The following FZD7 variants were observed in gnomAD, a reference collection of about 807,000 sequenced individuals.
FZD7 encodes the protein frizzled-7.
In FZD7, 21 loss-of-function variants were observed where a neutral mutation model predicts 39.0. The observed-to-expected ratio is 0.54, with a 90% CI of 0.38 to 0.78. The LOEUF (loss-of-function observed/expected upper bound fraction) is 0.78. FZD7 is among the 30% of genes least tolerant of loss of function. The probability of loss-of-function intolerance (pLI) is 0.00; values close to 1 mark genes in which losing one functional copy is unlikely to be tolerated. For synonymous variants in FZD7, 428 were observed against 364.9 expected (o/e 1.17, Z -1.97); for missense variants, 695 against 805.0 (o/e 0.86, Z 1.65).
rs371345546 is a variant in FZD7 at position 202,036,382 on chromosome 2, C to G, written c.*10C>G. On this transcript the variant is annotated 3_prime_UTR_variant, in exon 1 of 1. Coordinates refer to ENST00000286201, the MANE Select transcript of FZD7 (RefSeq NM_003507.2). ...GGAGACTGCGGTATGAGCCCCGGCC[C>G]CTCCCCACCTTTCCCACCCCAGCCC... is the stretch of plus-strand genomic sequence containing the variant. 3.1e-6 allele frequency: 5 copies of G among 1,591,322 alleles called. No individual in the cohort carries two copies. Among genetic ancestry groups the G allele is most frequent in the Non-Finnish European group, 3.4e-6 (4 of 1,165,138 alleles).
chr2:202,033,914 C>G lies in FZD7; in HGVS notation c.-734C>G, dbSNP rs968463470. Among the ~76,000 whole-genome samples, 5 of 148,796 alleles carry G rather than the reference C, an allele frequency of 3.4e-5. No individual in the cohort carries two copies. The highest frequency in any genetic ancestry group is 6.7e-5 in the Admixed American group (1 of 14,988). On this transcript the variant is annotated 5_prime_UTR_variant, in exon 1 of 1. Coordinates refer to ENST00000286201, the MANE Select transcript of FZD7 (RefSeq NM_003507.2). ...GCGGCGGCGGCGGCGGGCGCCAGGA[C>G]TCGCTGCTGGGGCTGCGAGGGGCTG... is the stretch of plus-strand genomic sequence containing the variant.
chr2:202,034,610 T>C lies in FZD7; in HGVS notation c.-38T>C, dbSNP rs1688705656. 1 of 1,492,570 alleles carries C rather than the reference T, an allele frequency of 6.7e-7. No individual in the cohort carries two copies. The highest frequency in any genetic ancestry group is 1.3e-5 in the South Asian group (1 of 74,088). The allele number at this position is 1,492,570 out of a possible 1,614,324, so 92.5% of individuals were successfully genotyped here. ...GCCTCTCCCAACCGCCTCGTCGCACTCCTCAGGCTGAGAGCACCGCTGCAC... is the reference window on the plus strand; with the variant it reads ...GCCTCTCCCAACCGCCTCGTCGCACCCCTCAGGCTGAGAGCACCGCTGCAC... On this transcript the variant is annotated 5_prime_UTR_variant, in exon 1 of 1. Coordinates refer to ENST00000286201, the MANE Select transcript of FZD7 (RefSeq NM_003507.2).
chr2:202,035,036 G>C lies in FZD7; in HGVS notation c.389G>C (p.Gly130Ala). The C allele has an allele frequency of 6.2e-7, 1 of 1,612,906 alleles. No individual in the cohort carries two copies. Among genetic ancestry groups the C allele is most frequent in the Non-Finnish European group, 8.5e-7 (1 of 1,179,822 alleles). Residue 130 changes from glycine (G) to alanine (A), a missense_variant, in exon 1 of 1, where the codon GGC (glycine) becomes GCC (alanine). Physicochemically the swap from Gly to Ala is moderately conservative, Grantham distance 60. Coordinates refer to ENST00000286201, the MANE Select transcript of FZD7 (RefSeq NM_003507.2). Reference sequence around the variant, plus strand: ...TCTCTGTGCGAGCGCGCCCGCCAGGGCTGCGAGGCGCTCATGAACAAGTTC... The same window carrying C: ...TCTCTGTGCGAGCGCGCCCGCCAGGCCTGCGAGGCGCTCATGAACAAGTTC... ...CRSLCERARQGCEALMNKFGF... is the reference protein window; with the variant it reads ...CRSLCERARQACEALMNKFGF...
rs781110747 is a variant in FZD7 at position 202,035,514 on chromosome 2, C to T, written c.867C>T (p.Ile289=). 9.9e-6 allele frequency: 16 copies of T among 1,614,080 alleles called. No individual in the cohort carries two copies. The highest frequency in any genetic ancestry group is 2.2e-5 in the East Asian group (1 of 44,902). The change falls in exon 1 of 1, where the codon ATC becomes ATT. Residue 289 remains isoleucine (I), a synonymous_variant. Transcript: ENST00000286201. ...MRRFSYPERP[I]IFLSGCYFMV... Reference sequence around the variant, plus strand: ...GCTTCAGCTACCCAGAGCGGCCCATCATCTTCCTGTCGGGCTGCTACTTCA... The same window carrying T: ...GCTTCAGCTACCCAGAGCGGCCCATTATCTTCCTGTCGGGCTGCTACTTCA...
Position 202,036,532 on chromosome 2 carries a change from G to T in FZD7, c.*160G>T. ...AAGTTCTTTGCAGATTTGGGGCGAG[G>T]GGTGATTTGGAAAAGAAGACCTGGG... is the stretch of plus-strand genomic sequence containing the variant. On this transcript the variant is annotated 3_prime_UTR_variant, in exon 1 of 1. Coordinates refer to ENST00000286201, the MANE Select transcript of FZD7 (RefSeq NM_003507.2). 2 of 626,014 alleles carry T rather than the reference G, an allele frequency of 3.2e-6. No homozygotes were observed. The highest frequency in any genetic ancestry group is 5.6e-6 in the Non-Finnish European group (2 of 355,444). The allele number at this position is 626,014 out of a possible 1,614,324, so 38.8% of individuals were successfully genotyped here. A position where few individuals can be genotyped will look rare whatever the true frequency, so the allele number is the denominator to read the frequency against.
Position 202,035,434 on chromosome 2 carries a change from C to A in FZD7, c.787C>A (p.Leu263Met). ...CCTCTGGGTGGGCGTGTGGTCCGTG[C>A]TGTGCTGCGCCTCGACGCTCTTTAC... Reference protein sequence around the residue: ...ARLWVGVWSVLCCASTLFTVL... With the variant: ...ARLWVGVWSVMCCASTLFTVL... Residue 263 changes from leucine (L) to methionine (M), a missense_variant, in exon 1 of 1, where the codon CTG becomes ATG. Leu to Met is a conservative substitution (Grantham distance 15). Coordinates refer to ENST00000286201, the MANE Select transcript of FZD7 (RefSeq NM_003507.2). 1.9e-6 allele frequency: 3 copies of A among 1,613,988 alleles called. No homozygotes were observed. Among genetic ancestry groups the A allele is most frequent in the Non-Finnish European group, 2.5e-6 (3 of 1,179,964 alleles).
Position 202,036,587 on chromosome 2 carries a change from G to A in FZD7, c.*215G>A, listed in dbSNP as rs1396213943. 3.5e-6 allele frequency: 2 copies of A among 575,112 alleles called. No individual in the cohort carries two copies. The highest frequency in any genetic ancestry group is 6.3e-6 in the Non-Finnish European group (2 of 316,574). The allele number at this position is 575,112 out of a possible 1,614,324, so 35.6% of individuals were successfully genotyped here. ...AAGCGGTTTGGATGAAAAGATTTCAGGCAAAGACTTGCAGGAAGATGATGA... is the reference window on the plus strand; with the variant it reads ...AAGCGGTTTGGATGAAAAGATTTCAAGCAAAGACTTGCAGGAAGATGATGA... On this transcript the variant is annotated 3_prime_UTR_variant, in exon 1 of 1. Coordinates refer to ENST00000286201, the MANE Select transcript of FZD7 (RefSeq NM_003507.2).
In FZD7 at chr2:202,035,257, C is replaced by G. The variant is rs765396513; in HGVS notation, c.610C>G (p.Pro204Ala). 1.9e-5 allele frequency: 31 copies of G among 1,602,430 alleles called. No homozygotes were observed. The highest frequency in any genetic ancestry group is 1.8e-4 in the South Asian group (16 of 90,838). The change falls in exon 1 of 1, where the codon CCC becomes GCC. Residue 204 changes from proline (P) to alanine (A), a missense_variant. Transcript: ENST00000286201. ...GGGGGCCTCAGATGGCAGGGGGCGT[C>G]CCGCCTTCCCCTTCTCATGCCCCCG... ...PPGASDGRGRPAFPFSCPRQL... is the reference protein window; with the variant it reads ...PPGASDGRGRAAFPFSCPRQL...
rs201452450 is a variant in FZD7 at position 202,036,118 on chromosome 2, T to C, written c.1471T>C (p.Tyr491His). 1 of 1,613,908 alleles carries C rather than the reference T, an allele frequency of 6.2e-7. No homozygotes were observed. The highest frequency in any genetic ancestry group is 8.5e-7 in the Non-Finnish European group (1 of 1,180,036). Residue 491 changes from tyrosine (Y) to histidine (H), a missense_variant, in exon 1 of 1, where the codon TAC (tyrosine) becomes CAC (histidine). Physicochemically the swap from Tyr to His is moderately conservative, Grantham distance 83. Transcript: ENST00000286201. ...PATIVLACYFYEQAFREHWER... is the reference protein window; with the variant it reads ...PATIVLACYFHEQAFREHWER... ...CACCATCGTCCTGGCCTGCTACTTC[T>C]ACGAGCAGGCCTTCCGCGAGCACTG...
In FZD7 at chr2:202,035,697, C is replaced by T. The variant is rs759897511; in HGVS notation, c.1050C>T (p.Ser350=). 2 of 1,614,038 alleles carry T rather than the reference C, an allele frequency of 1.2e-6. No homozygotes were observed. Among genetic ancestry groups the T allele is most frequent in the East Asian group, 4.5e-5 (2 of 44,880 alleles). ...TGCTCTACTTCTTCGGCATGGCCAG[C>T]TCCATCTGGTGGGTCATTCTGTCTC... The part of the protein sequence containing the change: ...FMVLYFFGMA[S]SIWWVILSLT... The change falls in exon 1 of 1, where the codon AGC becomes AGT. Residue 350 remains serine (S), a synonymous_variant. Coordinates refer to ENST00000286201, the MANE Select transcript of FZD7 (RefSeq NM_003507.2).
At position 202,035,253 on chromosome 2, in the gene FZD7, G is replaced by T. The variant is rs766548106; in HGVS notation, c.606G>T (p.Gly202=). 5.6e-6 allele frequency: 9 copies of T among 1,601,938 alleles called. No homozygotes were observed. Among genetic ancestry groups the T allele is most frequent in the Non-Finnish European group, 7.6e-6 (9 of 1,179,116 alleles). The part of the protein sequence containing the change: ...ALPPGASDGR[G]RPAFPFSCPR... The stretch of plus-strand genomic sequence containing the variant: ...CCCCGGGGGCCTCAGATGGCAGGGG[G>T]CGTCCCGCCTTCCCCTTCTCATGCC... Residue 202 remains glycine (G), a synonymous_variant, in exon 1 of 1, where the codon GGG becomes GGT. Transcript: ENST00000286201.
At position 202,034,382 on chromosome 2, in the gene FZD7, CG is replaced by C. The variant is rs1559183900; in HGVS notation, c.-264del. On this transcript the variant is annotated 5_prime_UTR_variant, in exon 1 of 1. Coordinates refer to ENST00000286201, the MANE Select transcript of FZD7 (RefSeq NM_003507.2). ...TTACGTCCCCGCGGGGAGAGCGAGG[CG>C]GCCCTCCTCGGCGCCCCCAACCCAG... 2.6e-5 allele frequency among the ~76,000 whole-genome samples: 4 copies of C among 151,716 alleles called. No homozygotes were observed. The highest frequency in any genetic ancestry group is 9.7e-5 in the African/African-American group (4 of 41,382).
Position 202,038,033 on chromosome 2 carries a change from G to A in FZD7, c.*1661G>A. The A allele has an allele frequency of 6.0e-6, 1 of 167,154 alleles. No individual in the cohort carries two copies. The allele number at this position is 167,154 out of a possible 1,614,324, so 10.4% of individuals were successfully genotyped here. On this transcript the variant is annotated 3_prime_UTR_variant, in exon 1 of 1. Coordinates refer to ENST00000286201, the MANE Select transcript of FZD7 (RefSeq NM_003507.2). The stretch of plus-strand genomic sequence containing the variant: ...ACCTTTGACACTACCCTCCAATCTT[G>A]CAACACTATCCTGTTTCTCAGAACA...
chr2:202,035,769 C>T lies in FZD7; in HGVS notation c.1122C>T (p.Ile374=). Reference sequence around the variant, plus strand: ...GCATGAAGTGGGGCCACGAGGCCATCGAGGCCAACTCGCAGTACTTCCACC... The same window carrying T: ...GCATGAAGTGGGGCCACGAGGCCATTGAGGCCAACTCGCAGTACTTCCACC... ...AAGMKWGHEA[I]EANSQYFHLA... is the part of the protein sequence containing the mutation. The change falls in exon 1 of 1, where the codon ATC becomes ATT. Residue 374 remains isoleucine, a synonymous_variant. Transcript: ENST00000286201. 1.2e-6 allele frequency: 2 copies of T among 1,614,094 alleles called. No individual in the cohort carries two copies. The highest frequency in any genetic ancestry group is 1.3e-5 in the African/African-American group (1 of 75,068).
In FZD7 at chr2:202,035,901, G is replaced by A; in HGVS notation, c.1254G>A (p.Val418=). 1 of 1,614,082 alleles carries A rather than the reference G, an allele frequency of 6.2e-7. No homozygotes were observed. The highest frequency in any genetic ancestry group is 8.5e-7 in the Non-Finnish European group (1 of 1,179,958). ...SGVCYVGLSS[V]DALRGFVLAP... is the part of the protein sequence containing the mutation. The stretch of plus-strand genomic sequence containing the variant: ...TGTGCTACGTTGGCCTCTCCAGTGT[G>A]GACGCGCTGCGGGGCTTCGTGCTGG... The change falls in exon 1 of 1, where the codon GTG becomes GTA. Residue 418 remains valine, a synonymous_variant. Transcript: ENST00000286201.
At position 202,035,958 on chromosome 2, in the gene FZD7, G is replaced by C; in HGVS notation, c.1311G>C (p.Thr437=). The change falls in exon 1 of 1, where the codon ACG becomes ACC. Residue 437 remains threonine (T), a synonymous_variant. Coordinates refer to ENST00000286201, the MANE Select transcript of FZD7 (RefSeq NM_003507.2). ...APLFVYLFIG[T]SFLLAGFVSL... ...TGTTCGTCTACCTCTTCATAGGCAC[G>C]TCCTTCTTGCTGGCCGGCTTCGTGT... is the stretch of plus-strand genomic sequence containing the variant. The C allele has an allele frequency of 1.9e-6, 3 of 1,614,076 alleles. No homozygotes were observed. The highest frequency in any genetic ancestry group is 2.5e-6 in the Non-Finnish European group (3 of 1,180,016).
chr2:202,036,528 C>T lies in FZD7; in HGVS notation c.*156C>T, dbSNP rs934142517. On this transcript the variant is annotated 3_prime_UTR_variant, in exon 1 of 1. Coordinates refer to ENST00000286201, the MANE Select transcript of FZD7 (RefSeq NM_003507.2). ...TGAGAAGTTCTTTGCAGATTTGGGG[C>T]GAGGGGTGATTTGGAAAAGAAGACC... is the stretch of plus-strand genomic sequence containing the variant. 3.2e-6 allele frequency: 2 copies of T among 628,766 alleles called. No homozygotes were observed. The highest frequency in any genetic ancestry group is 2.3e-5 in the South Asian group (1 of 42,990). 38.9% of individuals were successfully genotyped at this position (628,766 alleles called of 1,614,324 possible).
Position 202,035,336 on chromosome 2 carries a change from G to A in FZD7, c.689G>A (p.Cys230Tyr), listed in dbSNP as rs1306993536. ...TACCGCTTCCTGGGTGAGCGCGATT[G>A]TGGCGCCCCGTGCGAACCGGGCCGT... ...LGYRFLGERD[C>Y]GAPCEPGRAN... Residue 230 changes from cysteine to tyrosine, a missense_variant, in exon 1 of 1, where the codon TGT becomes TAT. Coordinates refer to ENST00000286201, the MANE Select transcript of FZD7 (RefSeq NM_003507.2). 1 of 1,611,984 alleles carries A rather than the reference G, an allele frequency of 6.2e-7. No individual in the cohort carries two copies. Among genetic ancestry groups the A allele is most frequent in the Non-Finnish European group, 8.5e-7 (1 of 1,179,756 alleles).
chr2:202,034,923 G>A lies in FZD7; in HGVS notation c.276G>A (p.Val92=), dbSNP rs1408788602. The A allele has an allele frequency of 1.1e-5, 17 of 1,614,094 alleles. No individual in the cohort carries two copies. Among genetic ancestry groups the A allele is most frequent in the African/African-American group, 1.3e-5 (1 of 74,948 alleles). The change falls in exon 1 of 1, where the codon GTG becomes GTA. Residue 92 remains valine, a synonymous_variant. Coordinates refer to ENST00000286201, the MANE Select transcript of FZD7 (RefSeq NM_003507.2). ...ACCAGTTCTACCCGCTGGTGAAGGT[G>A]CAGTGTTCTCCCGAACTCCGCTTTT... is the stretch of plus-strand genomic sequence containing the variant. ...EVHQFYPLVK[V]QCSPELRFFL...
Sources: gnomAD v4.1 joint callset for allele counts (sites outside exome capture counted in the v4.1 genomes callset) on GRCh38, gnomAD v4.1.1 for gene constraint, MANE v1.5 for transcripts, NCBI Gene and HGNC (gene_info 2026-07-23, HGNC 2026-07-21) for gene names.